PCDH11X: variants seen among roughly 807,000 people sequenced by gnomAD.
PCDH11X encodes protocadherin-11 X-linked.
In PCDH11X, 18 loss-of-function variants were observed where a neutral mutation model predicts 53.3. The observed-to-expected ratio is 0.34, with a 90% confidence interval of 0.23 to 0.50. The LOEUF is 0.50. Among genes scored for constraint, PCDH11X ranks in the 20% least tolerant of loss-of-function variants. PCDH11X has a pLI of 0.98. For missense variants in PCDH11X, 570 were observed against 1,032.4 expected (o/e 0.55, Z 6.14); for synonymous variants, 279 against 393.3 (o/e 0.71, Z 3.44).
At chrX:92,448,094 C>G (rs1360613820) in intron 9 of PCDH11X, among the ~76,000 whole-genome samples, 11 of 99,628 alleles carry the variant, frequency 1.1e-4, no homozygotes, top group Non-Finnish European at 8.1e-5. Context: ...AACTAATTTG[C>G]CTTTGATTTT....
Position 91,811,307 on chromosome X carries a change from A to G in PCDH11X, c.-45+12A>G, listed in dbSNP as rs1264512826. 1.7e-6 allele frequency: 2 copies of G among 1,168,933 alleles called. No homozygotes were observed. Among genetic ancestry groups the G allele is most frequent in the African/African-American group, 3.6e-5 (2 of 55,755 alleles). ...TCAGATATTTCAAGGTGAGTTTCAT[A>G]TATATTAAATATCATATACGTCTCC... On this transcript the variant is annotated intron_variant, in intron 4 of 10. Transcript: ENST00000682573.
rs1388259713 is a variant in PCDH11X at position 92,127,543 on chromosome X, C to T, written c.3034-73832C>T. Among the ~76,000 whole-genome samples, 8 of 81,512 alleles carry T rather than the reference C, an allele frequency of 9.8e-5. No individual in the cohort carries two copies. The East Asian group carries it at 3.1e-3, about 31-fold the overall frequency. The allele number at this position is 81,512 out of a possible 115,157, so 70.8% of individuals were successfully genotyped here. ...CTTTTTTTTTTTTTTTTTTTTGAGA[C>T]GGAGCCTCGCCCTGCCGCCCTGGCT... On this transcript the variant is annotated intron_variant, in intron 6 of 10. Transcript: ENST00000682573.
chrX:92,269,025 T>C (rs1217525557), intron 8 of PCDH11X, among the ~76,000 whole-genome samples: 1 of 112,318 alleles, frequency 8.9e-6, no homozygotes, highest in Non-Finnish European at 1.9e-5. Context: ...GGATCTTATA[T>C]TCATATGATT....
At chrX:92,280,515 C>T (rs2068225683) in intron 8 of PCDH11X, among the ~76,000 whole-genome samples, 1 of 105,956 alleles carries the variant, frequency 9.4e-6, no homozygotes, top group African/African-American at 3.5e-5. Context: ...GAGTGAGGCT[C>T]CATCTCAAAT....
At chrX:92,363,327 T>G (rs1175622540) in intron 8 of PCDH11X, among the ~76,000 whole-genome samples, 1 of 111,651 alleles carries the variant, frequency 9.0e-6, no homozygotes, top group Non-Finnish European at 1.9e-5. Context: ...TTCATCTGTT[T>G]CAGCAAAATT....
intron 8 of PCDH11X, among the ~76,000 whole-genome samples, chrX:92,272,226 G>C (rs1345690510): frequency 8.9e-6 from 1 of 111,747 alleles, no homozygotes; most frequent in Non-Finnish European, 1.9e-5. Flanking sequence ...GTCAGATATT[G>C]AGCCATTTAT....
At chrX:92,544,523 C>T (rs767093649) in intron 10 of PCDH11X, among the ~76,000 whole-genome samples, 1,680 of 108,180 alleles carry the variant, frequency 0.016, 42 homozygotes, top group African/African-American at 0.053. Context: ...AGCACGAGTG[C>T]ATGAGTTGGA....
intron 6 of PCDH11X, among the ~76,000 whole-genome samples, chrX:92,002,058 A>G (rs372139869): frequency 9.9e-6 from 1 of 100,569 alleles, no homozygotes; most frequent in East Asian, 3.2e-4. Context: ...TCTTTAATCC[A>G]TTTTCATTTG....
chrX:92,037,200 C>T (rs1444696546), intron 6 of PCDH11X, among the ~76,000 whole-genome samples: 2 of 110,209 alleles, frequency 1.8e-5, no homozygotes, highest in Admixed American at 1.9e-4. Context: ...CTGATGCTGT[C>T]GCTCCCCTCA....
chrX:92,152,611 G>A (rs1170371062), intron 6 of PCDH11X, among the ~76,000 whole-genome samples: 1 of 111,599 alleles, frequency 9.0e-6, no homozygotes, highest in Non-Finnish European at 1.9e-5. Flanking sequence ...ATGCATATAT[G>A]CATTCACAAA....
At position 92,142,162 on chromosome X, in the gene PCDH11X, T is replaced by G. The variant is rs868539625; in HGVS notation, c.3034-59213T>G. On this transcript the variant is annotated intron_variant, in intron 6 of 10. Transcript: ENST00000682573. ...AAGTGCTAAATTATTATTATTATTT[T>G]TTTTTTTTTTTGAGATGGAGTTTTG... 3.8e-5 allele frequency among the ~76,000 whole-genome samples: 4 copies of G among 106,494 alleles called. No individual in the cohort carries two copies. In the East Asian group the frequency reaches 1.2e-3, roughly 31 times the overall value. The allele number at this position is 106,494 out of a possible 115,157, so 92.5% of individuals were successfully genotyped here.
intron 5 of PCDH11X, among the ~76,000 whole-genome samples, chrX:91,870,521 A>T: frequency 9.1e-6 from 1 of 110,484 alleles, no homozygotes; most frequent in Non-Finnish European, 1.9e-5. Flanking sequence ...AGGGAAAAAA[A>T]AATCAATGAC....
chrX:91,973,667 T>A lies in PCDH11X; in HGVS notation c.3033+94394T>A, dbSNP rs1432163563. ...TCTCACTCTGTCGCCCAGGCTGGAG[T>A]GCAGTGGCAGGATCTCGGCTCATTG... On this transcript the variant is annotated intron_variant, in intron 6 of 10. Coordinates refer to ENST00000682573, the MANE Select transcript of PCDH11X (RefSeq NM_032968.5). 3.4e-3 allele frequency among the ~76,000 whole-genome samples: 328 copies of A among 96,926 alleles called. 2 individuals are homozygous for A. The highest frequency in any genetic ancestry group is 5.5e-3 in the Non-Finnish European group (268 of 48,653). 84.2% of individuals were successfully genotyped at this position (96,926 alleles called of 115,157 possible).
At chrX:92,347,655 T>G (rs2069934212) in intron 8 of PCDH11X, among the ~76,000 whole-genome samples, 1 of 111,710 alleles carries the variant, frequency 9.0e-6, no homozygotes. Flanking sequence ...ATGAGGGTCT[T>G]GGATTCCTAG....
chrX:91,784,435 A>G (rs1251858672), intron 1 of PCDH11X, among the ~76,000 whole-genome samples: 2 of 112,090 alleles, frequency 1.8e-5, no homozygotes, highest in African/African-American at 6.5e-5. Context: ...AGATCTTTTT[A>G]CTCATCTCAG....
chrX:92,384,096 A>G lies in PCDH11X; in HGVS notation c.3145-3639A>G, dbSNP rs143581569. On this transcript the variant is annotated intron_variant, in intron 8 of 10. Coordinates refer to ENST00000682573, the MANE Select transcript of PCDH11X (RefSeq NM_032968.5). ...GACCATTGATGATGAGCTTCTTTTCATGTTTGCTGGCCGCATAAATGTCTT... is the reference window on the plus strand; with the variant it reads ...GACCATTGATGATGAGCTTCTTTTCGTGTTTGCTGGCCGCATAAATGTCTT... Among the ~76,000 whole-genome samples, 15 of 111,749 alleles carry G rather than the reference A, an allele frequency of 1.3e-4. No individual in the cohort carries two copies. The East Asian group carries it at 4.2e-3, about 32-fold the overall frequency.
intron 10 of PCDH11X, among the ~76,000 whole-genome samples, chrX:92,473,250 T>C (rs1380826935): frequency 9.2e-6 from 1 of 109,009 alleles, no homozygotes; most frequent in African/African-American, 3.3e-5. Flanking sequence ...TGGCATATAG[T>C]TGCTAATAAT....
chrX:92,054,013 C>T (rs987441197), intron 6 of PCDH11X, among the ~76,000 whole-genome samples: 2 of 111,654 alleles, frequency 1.8e-5, no homozygotes, highest in Non-Finnish European at 1.9e-5. Context: ...ATAAATGTGG[C>T]CAAGATCACA....
chrX:92,098,614 G>C (rs2064181752), intron 6 of PCDH11X, among the ~76,000 whole-genome samples: 1 of 95,571 alleles, frequency 1.0e-5, no homozygotes, highest in Non-Finnish European at 2.1e-5. Context: ...GGTTGTGCTT[G>C]TCCAGTGAAG....
Sources: gnomAD v4.1 joint callset for allele counts (sites outside exome capture counted in the v4.1 genomes callset) on GRCh38, gnomAD v4.1.1 for gene constraint, MANE v1.5 for transcripts, NCBI Gene and HGNC (gene_info 2026-07-23, HGNC 2026-07-21) for gene names.